Variants in AGPAT4 observed in about 807,000 individuals in gnomAD.
The protein encoded by AGPAT4 is 1-acyl-sn-glycerol-3-phosphate acyltransferase delta.
A neutral mutation model predicts 48.0 loss-of-function variants in AGPAT4; 15 were observed. The observed-to-expected ratio is 0.31, with a 90% CI of 0.21 to 0.48. The LOEUF is 0.48. Among genes scored for constraint, AGPAT4 ranks in the 20% least tolerant of loss-of-function variants. The pLI is 0.99. For missense variants in AGPAT4, 314 were observed against 482.5 expected (o/e 0.65, Z 3.27); for synonymous variants, 178 against 198.7 (o/e 0.90, Z 0.88).
intron 2 of AGPAT4, among the ~76,000 whole-genome samples, chr6:161,176,959 C>G (rs375816159): frequency 2.0e-4 from 30 of 152,180 alleles, no homozygotes; most frequent in Non-Finnish European, 3.7e-4. Context: ...TAAGAATGTT[C>G]AATATTGGCC....
In AGPAT4 at chr6:161,158,653, G is replaced by C. The variant is rs1295758460; in HGVS notation, c.349-4343C>G. On this transcript the variant is annotated intron_variant, in intron 3 of 8. Transcript: ENST00000320285. The surrounding 1 kb of genome is among the most constrained non-coding windows in gnomAD (Gnocchi z 5.3). ...TTGCAGAGACCCTGGACGTTGGGAA[G>C]AGCTGACGCAGAGAGGGCCTGAGAC... Among the ~76,000 whole-genome samples, 1 of 152,224 alleles carries C rather than the reference G, an allele frequency of 6.6e-6. No homozygotes were observed.
Position 161,139,698 on chromosome 6 carries a change from G to A in AGPAT4, c.844-78C>T, listed in dbSNP as rs1056536684. Reference sequence around the variant, plus strand: ...TCCCTCCCGAGGCCCTGCTTCCAAGGGAATCGCAGAGATACACAGGTGCCA... The same window carrying A: ...TCCCTCCCGAGGCCCTGCTTCCAAGAGAATCGCAGAGATACACAGGTGCCA... On this transcript the variant is annotated intron_variant, in intron 7 of 8. Transcript: ENST00000320285. The surrounding 1 kb of genome is among the most constrained non-coding windows in gnomAD (Gnocchi z 9.1). 12 of 1,342,730 alleles carry A rather than the reference G, an allele frequency of 8.9e-6. No homozygotes were observed. Among genetic ancestry groups the A allele is most frequent in the Admixed American group, 4.4e-5 (2 of 45,930 alleles). 83.2% of individuals were successfully genotyped at this position (1,342,730 alleles called of 1,614,324 possible). A position where few individuals can be genotyped will look rare whatever the true frequency, so the allele number is the denominator to read the frequency against.
chr6:161,182,947 C>T (rs1001718696), intron 2 of AGPAT4, among the ~76,000 whole-genome samples: 5 of 152,260 alleles, frequency 3.3e-5, no homozygotes, highest in African/African-American at 4.8e-5. Context: ...GAGGAAACGC[C>T]GAGGCATACC....
At position 161,195,139 on chromosome 6, in the gene AGPAT4, T is replaced by A. The variant is rs765740921; in HGVS notation, c.179-28722A>T. Reference sequence around the variant, plus strand: ...AAGTACAAAATTAAATATATTCTTTTCTCCAAAAGAATAAAATACAACTTA... The same window carrying A: ...AAGTACAAAATTAAATATATTCTTTACTCCAAAAGAATAAAATACAACTTA... On this transcript the variant is annotated intron_variant, in intron 2 of 8. Coordinates refer to ENST00000320285, the MANE Select transcript of AGPAT4 (RefSeq NM_020133.3). The surrounding 1 kb of genome is among the most constrained non-coding windows in gnomAD (Gnocchi z 5.0). Among the ~76,000 whole-genome samples the A allele has an allele frequency of 2.0e-5, 3 of 152,120 alleles. No individual in the cohort carries two copies. The highest frequency in any genetic ancestry group is 6.5e-5 in the Admixed American group (1 of 15,268).
In AGPAT4 at chr6:161,225,439, G is replaced by A. The variant is rs1781950922; in HGVS notation, c.178+6597C>T. Among the ~76,000 whole-genome samples, 1 of 152,168 alleles carries A rather than the reference G, an allele frequency of 6.6e-6. No homozygotes were observed. The highest frequency in any genetic ancestry group is 2.4e-5 in the African/African-American group (1 of 41,440). On this transcript the variant is annotated intron_variant, in intron 2 of 8. Transcript: ENST00000320285. This position sits in a 1 kb window ranked among gnomAD's most constrained non-coding sequence, Gnocchi z 5.0. ...GTGCACCCTTCTATAGAAGTAACTT[G>A]CCTTGCTGAGAATTAAAAAGAAAAT...
Position 161,229,041 on chromosome 6 carries a change from T to A in AGPAT4, c.178+2995A>T, listed in dbSNP as rs1057095735. On this transcript the variant is annotated intron_variant, in intron 2 of 8. Coordinates refer to ENST00000320285, the MANE Select transcript of AGPAT4 (RefSeq NM_020133.3). The surrounding 1 kb of genome is among the most constrained non-coding windows in gnomAD (Gnocchi z 6.0). Reference sequence around the variant, plus strand: ...CTTTACTGCTTGTTTTGTCTCTATTTGTCTTTTGTATCAGCATGGCCTTTT... The same window carrying A: ...CTTTACTGCTTGTTTTGTCTCTATTAGTCTTTTGTATCAGCATGGCCTTTT... Among the ~76,000 whole-genome samples the A allele has an allele frequency of 6.6e-6, 1 of 152,042 alleles. No homozygotes were observed. Among genetic ancestry groups the A allele is most frequent in the Admixed American group, 6.5e-5 (1 of 15,276 alleles).
At position 161,135,146 on chromosome 6, in the gene AGPAT4, T is replaced by C. The variant is rs1779025295; in HGVS notation, c.*1394A>G. 6.6e-6 allele frequency: 1 copy of C among 152,252 alleles called. No individual in the cohort carries two copies. The highest frequency in any genetic ancestry group is 2.4e-5 in the African/African-American group (1 of 41,476). The allele number at this position is 152,252 out of a possible 1,614,324, so 9.4% of individuals were successfully genotyped here. A position where few individuals can be genotyped will look rare whatever the true frequency, so the allele number is the denominator to read the frequency against. On this transcript the variant is annotated 3_prime_UTR_variant, in exon 9 of 9. Transcript: ENST00000320285. ...AAACATAACTGCATAGAATAGGCCT[T>C]ATAATGTGTGGCCAGTTTTTGTATA...
chr6:161,136,503 C>A lies in AGPAT4; in HGVS notation c.*37G>T, dbSNP rs749960984. 1.0e-5 allele frequency: 16 copies of A among 1,582,118 alleles called. No homozygotes were observed. The highest frequency in any genetic ancestry group is 4.3e-6 in the Non-Finnish European group (5 of 1,151,576). On this transcript the variant is annotated 3_prime_UTR_variant, in exon 9 of 9. Transcript: ENST00000320285. ...GGAGGATATGCAGAGGCCACCAGTTCCCCAAGGTTCCCTTCGGATGGTGAC... is the reference window on the plus strand; with the variant it reads ...GGAGGATATGCAGAGGCCACCAGTTACCCAAGGTTCCCTTCGGATGGTGAC...
At chr6:161,207,298 C>T (rs1781401970) in intron 2 of AGPAT4, among the ~76,000 whole-genome samples, 1 of 152,144 alleles carries the variant, frequency 6.6e-6, no homozygotes, top group African/African-American at 2.4e-5. Context: ...TTTTGTATCC[C>T]TCTTCTCTCC....
chr6:161,138,932 C>A lies in AGPAT4; in HGVS notation c.1042+490G>T, dbSNP rs927830443. Among the ~76,000 whole-genome samples, 2 of 152,122 alleles carry A rather than the reference C, an allele frequency of 1.3e-5. No homozygotes were observed. Among genetic ancestry groups the A allele is most frequent in the Admixed American group, 1.3e-4 (2 of 15,286 alleles). On this transcript the variant is annotated intron_variant, in intron 8 of 8. Coordinates refer to ENST00000320285, the MANE Select transcript of AGPAT4 (RefSeq NM_020133.3). This position sits in a 1 kb window ranked among gnomAD's most constrained non-coding sequence, Gnocchi z 4.8. ...GAATACCGGTCACCTGGAGCCAGCG[C>A]AGACCCATGAAAAGCTCTGTCGCCG...
rs1355365112 is a variant in AGPAT4, at chr6:161,240,219, TATACACAC to T, written c.-89-7925_-89-7918del. Among the ~76,000 whole-genome samples, 8 of 121,870 alleles carry T rather than the reference TATACACAC, an allele frequency of 6.6e-5. No homozygotes were observed. The East Asian group carries it at 6.8e-4, about 10-fold the overall frequency. The allele number at this position is 121,870 out of a possible 152,430, so 80.0% of individuals were successfully genotyped here. ...AACACTAACAGCAGATATCTTTGTGTATACACACACACACACACACACACACACACACA... is the reference window on the plus strand; with the variant it reads ...AACACTAACAGCAGATATCTTTGTGTACACACACACACACACACACACACA... On this transcript the variant is annotated intron_variant, in intron 1 of 8. Transcript: ENST00000320285. The surrounding 1 kb of genome is among the most constrained non-coding windows in gnomAD (Gnocchi z 5.5).
rs542450331 is a variant in AGPAT4, at chr6:161,168,629, G to A, written c.179-2212C>T. Among the ~76,000 whole-genome samples the A allele has an allele frequency of 3.9e-5, 6 of 152,158 alleles. No homozygotes were observed. In the South Asian group the frequency reaches 8.3e-4, roughly 21 times the overall value. On this transcript the variant is annotated intron_variant, in intron 2 of 8. Transcript: ENST00000320285. Reference sequence around the variant, plus strand: ...CACATGGATGCTTTCAACAAATGCCGCGTGATTACCTAATGCGTTCAAGCA... The same window carrying A: ...CACATGGATGCTTTCAACAAATGCCACGTGATTACCTAATGCGTTCAAGCA...
chr6:161,168,062 A>G (rs1780156253), intron 2 of AGPAT4, among the ~76,000 whole-genome samples: 1 of 151,588 alleles, frequency 6.6e-6, no homozygotes, highest in South Asian at 2.1e-4. Flanking sequence ...TGCTGGAACC[A>G]GAAGCACAAG....
intron 2 of AGPAT4, among the ~76,000 whole-genome samples, chr6:161,181,379 C>T (rs1363748154): frequency 6.6e-6 from 1 of 152,082 alleles, no homozygotes; most frequent in Non-Finnish European, 1.5e-5. Context: ...CACACTTACA[C>T]TTCCTCCCTT....
At chr6:161,199,224 C>T (rs1053638913) in intron 2 of AGPAT4, among the ~76,000 whole-genome samples, 3 of 152,108 alleles carry the variant, frequency 2.0e-5, no homozygotes, top group South Asian at 2.1e-4. Flanking sequence ...CTGCGAATGT[C>T]GTCAGCAGGC....
chr6:161,139,302 C>A lies in AGPAT4; in HGVS notation c.1042+120G>T. On this transcript the variant is annotated intron_variant, in intron 8 of 8. Coordinates refer to ENST00000320285, the MANE Select transcript of AGPAT4 (RefSeq NM_020133.3). The surrounding 1 kb of genome is among the most constrained non-coding windows in gnomAD (Gnocchi z 9.1). The stretch of plus-strand genomic sequence containing the variant: ...TCTAATCTTTCCCTGTGATTGCAAG[C>A]TGAGCCTGCTCCTCATCCACGGCAC... 8.8e-7 allele frequency: 1 copy of A among 1,133,216 alleles called. No homozygotes were observed. The highest frequency in any genetic ancestry group is 1.5e-5 in the South Asian group (1 of 67,428). The allele number at this position is 1,133,216 out of a possible 1,614,324, so 70.2% of individuals were successfully genotyped here.
At chr6:161,170,581 G>A (rs1780242630) in intron 2 of AGPAT4, among the ~76,000 whole-genome samples, 1 of 151,520 alleles carries the variant, frequency 6.6e-6, no homozygotes, top group African/African-American at 2.4e-5. Flanking sequence ...ATGTTCTTAT[G>A]TAAATATACT....
At position 161,161,169 on chromosome 6, in the gene AGPAT4, G is replaced by C; in HGVS notation, c.348+5079C>G. On this transcript the variant is annotated intron_variant, in intron 3 of 8. Coordinates refer to ENST00000320285, the MANE Select transcript of AGPAT4 (RefSeq NM_020133.3). The surrounding 1 kb of genome is among the most constrained non-coding windows in gnomAD (Gnocchi z 4.6). ...TTTATGAGCGGTGGGATCAGACTCT[G>C]GCTTGTTAAAGACACTGCCAGAGGA... 1 of 456,720 alleles carries C rather than the reference G, an allele frequency of 2.2e-6. No homozygotes were observed. Among genetic ancestry groups the C allele is most frequent in the Non-Finnish European group, 4.4e-6 (1 of 226,976 alleles). 28.3% of individuals were successfully genotyped at this position (456,720 alleles called of 1,614,324 possible).
rs894554003 is a variant in AGPAT4, at chr6:161,184,214, C to G, written c.179-17797G>C. Among the ~76,000 whole-genome samples, 1 of 151,148 alleles carries G rather than the reference C, an allele frequency of 6.6e-6. No individual in the cohort carries two copies. Among genetic ancestry groups the G allele is most frequent in the Non-Finnish European group, 1.5e-5 (1 of 67,798 alleles). ...GTTGAAGCAGGCTACTGCAGTCAGC[C>G]CAACAGGGGTGGTGGGCTCGGTGGG... On this transcript the variant is annotated intron_variant, in intron 2 of 8. Coordinates refer to ENST00000320285, the MANE Select transcript of AGPAT4 (RefSeq NM_020133.3). The surrounding 1 kb of genome is among the most constrained non-coding windows in gnomAD (Gnocchi z 4.8).
Sources: gnomAD v4.1 joint callset for allele counts (sites outside exome capture counted in the v4.1 genomes callset) on GRCh38, gnomAD v4.1.1 for gene constraint, Gnocchi (gnomAD v3.1) non-coding constraint, MANE v1.5 for transcripts, NCBI Gene and HGNC (gene_info 2026-07-23, HGNC 2026-07-21) for gene names.